TMEM163: variants seen among roughly 807,000 people sequenced by gnomAD.
TMEM163 encodes the protein transmembrane protein 163.
Under a neutral mutation model 29.3 loss-of-function variants are expected in TMEM163, and 17 were observed. The ratio of observed to expected loss-of-function variants is 0.58; its 90% confidence interval spans 0.40 to 0.87. The LOEUF (loss-of-function observed/expected upper bound fraction) is 0.87, where lower values mean the gene tolerates loss of function less well. TMEM163 is among the 40% of genes least tolerant of loss of function. TMEM163 has a pLI of 0.00. For synonymous variants in TMEM163, 157 were observed against 160.6 expected, an observed-to-expected ratio of 0.98 and a Z score of 0.17; for missense variants, 303 against 381.5, an observed-to-expected ratio of 0.79 and a Z score of 1.71.
At chr2:134,610,520 A>C (rs748395417) in intron 2 of TMEM163, among the ~76,000 whole-genome samples, 5 of 152,162 alleles carry the variant, frequency 3.3e-5, no homozygotes, top group Non-Finnish European at 7.3e-5. Context: ...GCTGCTGCTG[A>C]TGATCTGGGA....
At chr2:134,502,493 T>C (rs1288134936) in intron 5 of TMEM163, among the ~76,000 whole-genome samples, 1 of 152,150 alleles carries the variant, frequency 6.6e-6, no homozygotes, top group Non-Finnish European at 1.5e-5. Context: ...CATGAATAGA[T>C]TTATGACTGA....
chr2:134,588,083 G>C (rs893139239), intron 2 of TMEM163, among the ~76,000 whole-genome samples: 1 of 152,204 alleles, frequency 6.6e-6, no homozygotes, highest in Non-Finnish European at 1.5e-5. Context: ...TACTTACCCT[G>C]TGGTCCTACA....
At chr2:134,465,985 A>C (rs890674459) in intron 6 of TMEM163, 129 bp downstream of exon 6, 4 of 640,820 alleles carry the variant, frequency 6.2e-6, no homozygotes, top group Non-Finnish European at 1.1e-5. Context: ...TGAGGCGGGT[A>C]GGAGAGTGAG....
At chr2:134,539,402 C>T (rs1049993043) in intron 4 of TMEM163, among the ~76,000 whole-genome samples, 4 of 152,150 alleles carry the variant, frequency 2.6e-5, no homozygotes, top group Non-Finnish European at 4.4e-5. Context: ...GGGAGGTAAA[C>T]GCACCCAGCG....
At chr2:134,616,548 T>G (rs750657222) in intron 2 of TMEM163, among the ~76,000 whole-genome samples, 24 of 152,244 alleles carry the variant, frequency 1.6e-4, no homozygotes, top group Non-Finnish European at 3.4e-4. Flanking sequence ...ACTAAGTGGC[T>G]GGTATCATCA....
intron 2 of TMEM163, among the ~76,000 whole-genome samples, chr2:134,637,007 G>A (rs1683119078): frequency 6.6e-6 from 1 of 152,144 alleles, no homozygotes; most frequent in Admixed American, 6.5e-5. Flanking sequence ...TCTGATCCCT[G>A]AATGCTTGGA....
intron 4 of TMEM163, among the ~76,000 whole-genome samples, chr2:134,537,731 G>T (rs1002672685): frequency 1.3e-5 from 2 of 152,294 alleles, no homozygotes; most frequent in East Asian, 3.9e-4. Context: ...CCCTGACTTT[G>T]TGCCATTAAA....
chr2:134,674,499 G>C (rs867466394), intron 2 of TMEM163, among the ~76,000 whole-genome samples: 2 of 88,006 alleles, frequency 2.3e-5, no homozygotes, highest in Admixed American at 9.9e-5. Context: ...GCGCGCGCGC[G>C]CGCGCGCGCG....
chr2:134,610,094 A>G (rs2104817028), intron 2 of TMEM163, among the ~76,000 whole-genome samples: 1 of 152,368 alleles, frequency 6.6e-6, no homozygotes, highest in Admixed American at 6.5e-5. Flanking sequence ...CACAGGGCCA[A>G]TCTTAGGAAG....
At chr2:134,657,456 C>T (rs1683646426) in intron 2 of TMEM163, among the ~76,000 whole-genome samples, 1 of 152,228 alleles carries the variant, frequency 6.6e-6, no homozygotes, top group South Asian at 2.1e-4. Flanking sequence ...CCAAACACCA[C>T]ATGTTCTCAC....
At chr2:134,612,542 A>AACACACACACACACACACACACACACAC (rs3039625) in intron 2 of TMEM163, among the ~76,000 whole-genome samples, 5 of 140,568 alleles carry the variant, frequency 3.6e-5, no homozygotes, top group African/African-American at 1.4e-4. Flanking sequence ...GGTTTGCCCC[A>AACACACACACACACACACACACACACAC]ACACACACAC....
intron 4 of TMEM163, among the ~76,000 whole-genome samples, chr2:134,506,356 GATTT>G (rs1226575719): frequency 2.0e-5 from 3 of 152,202 alleles, no homozygotes; most frequent in African/African-American, 7.2e-5. Flanking sequence ...ATTTTTTAAC[GATTT>G]ATTAATATTT....
At chr2:134,486,451 C>T (rs1412132463) in intron 5 of TMEM163, among the ~76,000 whole-genome samples, 1 of 152,136 alleles carries the variant, frequency 6.6e-6, no homozygotes, top group Non-Finnish European at 1.5e-5. Context: ...AGAGAGAAAG[C>T]AAGAGCACAA....
At position 134,566,955 on chromosome 2, in the gene TMEM163, G is replaced by C. The variant is rs1205164578; in HGVS notation, c.323-14864C>G. On this transcript the variant is annotated intron_variant, in intron 2 of 7. Coordinates refer to ENST00000281924, the MANE Select transcript of TMEM163 (RefSeq NM_030923.5). ...GCAAGGTAATTAATAGATTATCAAA[G>C]CTTCTGTGTGTGCATGGGTGTGTAC... Among the ~76,000 whole-genome samples, 7 of 152,286 alleles carry C rather than the reference G, an allele frequency of 4.6e-5. No homozygotes were observed. In the East Asian group the frequency reaches 9.7e-4, roughly 21 times the overall value.
chr2:134,597,779 C>T (rs1460947898), intron 2 of TMEM163, among the ~76,000 whole-genome samples: 1 of 152,176 alleles, frequency 6.6e-6, no homozygotes, highest in Non-Finnish European at 1.5e-5. Flanking sequence ...TTAATTATTG[C>T]CTCAATTTCA....
intron 6 of TMEM163, among the ~76,000 whole-genome samples, chr2:134,464,475 C>G (rs1473187351): frequency 1.3e-5 from 2 of 152,218 alleles, no homozygotes; most frequent in Admixed American, 1.3e-4. Context: ...TGATGAGTAT[C>G]TGGGGTCTGG....
At chr2:134,663,340 G>C (rs955452990) in intron 2 of TMEM163, among the ~76,000 whole-genome samples, 1 of 152,260 alleles carries the variant, frequency 6.6e-6, no homozygotes, top group East Asian at 1.9e-4. Flanking sequence ...CCTTTGATCT[G>C]GTAAGTGAGG....
In TMEM163 at chr2:134,496,064, A is replaced by T. The variant is rs905691599; in HGVS notation, c.555+6837T>A. On this transcript the variant is annotated intron_variant, in intron 5 of 7. Transcript: ENST00000281924. ...ATTTCACAAAATCCAAGGCTTAACT[A>T]TTTTTTTTTTTTTTTGAGACGGAGT... Among the ~76,000 whole-genome samples the T allele has an allele frequency of 6.6e-3, 960 of 144,370 alleles. 14 individuals carry two copies. The highest frequency in any genetic ancestry group is 0.023 in the African/African-American group (915 of 39,304). The allele number at this position is 144,370 out of a possible 152,430, so 94.7% of individuals were successfully genotyped here.
chr2:134,707,719 T>C (rs1229609255), intron 2 of TMEM163, among the ~76,000 whole-genome samples: 1 of 151,798 alleles, frequency 6.6e-6, no homozygotes, highest in Non-Finnish European at 1.5e-5. Context: ...ATAAAACTGC[T>C]CTGGGGGAAT....
Sources: gnomAD v4.1 joint callset for allele counts (sites outside exome capture counted in the v4.1 genomes callset) on GRCh38, gnomAD v4.1.1 for gene constraint, MANE v1.5 for transcripts, NCBI Gene and HGNC (gene_info 2026-07-23, HGNC 2026-07-21) for gene names.